BRD10: variants seen among roughly 807,000 people sequenced by gnomAD.
BRD10 encodes bromodomain containing 10.
chr9:5,903,103 G>C, the BRD10 span, among the ~76,000 whole-genome samples: 1 of 143,792 alleles, frequency 7.0e-6, no homozygotes, highest in Non-Finnish European at 1.6e-5. Context: ...GTAGAAGTGT[G>C]TTGTTTAATC....
At chr9:5,918,815 CAAAA>C in the BRD10 span, among the ~76,000 whole-genome samples, 43 of 104,834 alleles carry the variant, frequency 4.1e-4, no homozygotes, top group African/African-American at 1.2e-3. Context: ...ACAGGTGAGT[CAAAA>C]AAAAAAAAAA....
the BRD10 span, among the ~76,000 whole-genome samples, chr9:5,894,072 C>T: frequency 6.6e-6 from 1 of 152,160 alleles, no homozygotes; most frequent in Non-Finnish European, 1.5e-5. This position sits in a 1 kb window ranked among gnomAD's most constrained non-coding sequence, Gnocchi z 4.0. Context: ...TGTTATGCTG[C>T]AGGCCAGCAG....
chr9:5,930,368 A>ATTTT, the BRD10 span, among the ~76,000 whole-genome samples: 1 of 86,444 alleles, frequency 1.2e-5, no homozygotes, highest in African/African-American at 3.7e-5. Flanking sequence ...ATATAAGGAG[A>ATTTT]TTATATATAT....
the BRD10 span, among the ~76,000 whole-genome samples, chr9:5,986,308 CCT>C: frequency 2.0e-5 from 3 of 152,184 alleles, no homozygotes; most frequent in African/African-American, 7.2e-5. Context: ...TGATCTAATT[CCT>C]TTTTATGGCT....
the BRD10 span, among the ~76,000 whole-genome samples, chr9:5,971,052 C>CAAAAAAAAAAAA: frequency 1.4e-4 from 6 of 43,200 alleles, 2 homozygotes; most frequent in Non-Finnish European, 2.8e-4. Flanking sequence ...AGCAACGTCT[C>CAAAAAAAAAAAA]AAAAAAAAAA....
chr9:5,885,625 G>A, the BRD10 span, among the ~76,000 whole-genome samples: 6 of 152,082 alleles, frequency 3.9e-5, no homozygotes, highest in South Asian at 6.2e-4. Flanking sequence ...TGCCCACCTC[G>A]GCCTCCCAAA....
the BRD10 span, among the ~76,000 whole-genome samples, chr9:6,006,172 T>C: frequency 2.0e-5 from 3 of 152,234 alleles, no homozygotes; most frequent in Non-Finnish European, 4.4e-5. Context: ...CTAACACTTA[T>C]ACTTGGCTAA....
chr9:5,963,944 T>A, the BRD10 span, among the ~76,000 whole-genome samples: 1 of 151,400 alleles, frequency 6.6e-6, no homozygotes, highest in African/African-American at 2.4e-5. Flanking sequence ...CCTAAAACCA[T>A]AAAAACCCTA....
chr9:5,908,566 AT>A, the BRD10 span: 1 of 1,278,526 alleles, frequency 7.8e-7, no homozygotes, highest in Non-Finnish European at 1.1e-6. Flanking sequence ...TATGTTAACT[AT>A]TTTAACTTAA....
At chr9:5,958,135 T>C in the BRD10 span, among the ~76,000 whole-genome samples, 1 of 152,114 alleles carries the variant, frequency 6.6e-6, no homozygotes, top group Non-Finnish European at 1.5e-5. Context: ...TAATAAACCT[T>C]AATAATAAAC....
chr9:5,969,447 T>G, the BRD10 span: 1 of 1,478,106 alleles, frequency 6.8e-7, no homozygotes, highest in African/African-American at 1.4e-5. Context: ...CTAAAGAAAT[T>G]TAACAAATTA....
chr9:5,968,729 A>G, the BRD10 span: 1 of 1,613,842 alleles, frequency 6.2e-7, no homozygotes, highest in African/African-American at 1.3e-5. Flanking sequence ...TACTCTTTGT[A>G]TTTTAATGGG....
the BRD10 span, chr9:5,892,506 G>T: frequency 6.2e-7 from 1 of 1,613,812 alleles, no homozygotes; most frequent in Non-Finnish European, 8.5e-7. Flanking sequence ...TTCATCTATG[G>T]TTACCCCAAG....
At chr9:5,992,569 A>G in the BRD10 span, among the ~76,000 whole-genome samples, 1 of 152,186 alleles carries the variant, frequency 6.6e-6, no homozygotes, top group Non-Finnish European at 1.5e-5. Flanking sequence ...CGTTGCAAAA[A>G]TTCAAGCTTT....
the BRD10 span, among the ~76,000 whole-genome samples, chr9:5,880,313 ACCAG>A: frequency 5.3e-4 from 79 of 148,630 alleles, no homozygotes; most frequent in Non-Finnish European, 9.2e-4. Context: ...AGAGTTAGAG[ACCAG>A]CCGGACCAAC....
chr9:5,979,496 A>G, the BRD10 span, among the ~76,000 whole-genome samples: 1 of 152,002 alleles, frequency 6.6e-6, no homozygotes, highest in Non-Finnish European at 1.5e-5. Context: ...AGACAGAGTG[A>G]GAACCTGTCT....
At chr9:5,885,507 A>G in the BRD10 span, among the ~76,000 whole-genome samples, 2 of 151,786 alleles carry the variant, frequency 1.3e-5, no homozygotes, top group African/African-American at 4.8e-5. Context: ...AGTAGCTGGG[A>G]TTACAGGCAT....
At chr9:5,891,258 C>T in the BRD10 span, 5 of 152,274 alleles carry the variant, frequency 3.3e-5, no homozygotes, top group Non-Finnish European at 4.4e-5. Flanking sequence ...TAGTAAGAGG[C>T]GCATTTGCTG....
the BRD10 span, among the ~76,000 whole-genome samples, chr9:6,002,668 C>G: frequency 1.7e-3 from 259 of 151,348 alleles, 5 homozygotes; most frequent in Admixed American, 0.017. Context: ...AATTTTTGAG[C>G]CTTCATGAGG....
Sources: allele counts gnomAD v4.1 joint callset (sites outside exome capture counted in the v4.1 genomes callset), GRCh38; gene constraint gnomAD v4.1.1; non-coding constraint Gnocchi (gnomAD v3.1); transcripts MANE v1.5; gene names NCBI Gene and HGNC (gene_info 2026-07-23, HGNC 2026-07-21).